CAGE1: variants seen among roughly 807,000 people sequenced by gnomAD.
CAGE1 encodes the protein cancer-associated gene 1 protein.
In CAGE1, 66 loss-of-function variants were observed where a neutral mutation model predicts 94.9. The observed-to-expected ratio is 0.70, with a 90% CI of 0.57 to 0.85. CAGE1 has a LOEUF of 0.85. Ranked by LOEUF, CAGE1 falls within the 40% of genes least tolerant of loss-of-function variation. CAGE1 has a pLI of 0.00. For synonymous variants in CAGE1, 319 were observed against 321.0 expected, an observed-to-expected ratio of 0.99 and a Z score of 0.07; for missense variants, 865 against 950.4, an observed-to-expected ratio of 0.91 and a Z score of 1.18.
rs148069907 is a variant in CAGE1 at position 7,362,614 on chromosome 6, C to A, written c.2193+2854G>T. On this transcript the variant is annotated intron_variant, in intron 9 of 13. Coordinates refer to ENST00000502583, the MANE Select transcript of CAGE1 (RefSeq NM_001170692.2). The surrounding 1 kb of genome is among the most constrained non-coding windows in gnomAD (Gnocchi z 4.1). The stretch of plus-strand genomic sequence containing the variant: ...GGGTCAGAAGGACATGAGAGAAGCA[C>A]GCGACGATGTGCCAAGGGAAGCATG... 6.6e-6 allele frequency among the ~76,000 whole-genome samples: 1 copy of A among 152,144 alleles called. No homozygotes were observed. The highest frequency in any genetic ancestry group is 1.9e-4 in the East Asian group (1 of 5,188).
intron 9 of CAGE1, among the ~76,000 whole-genome samples, chr6:7,357,035 G>A (rs1293171510): frequency 2.6e-5 from 4 of 152,038 alleles, no homozygotes; most frequent in Admixed American, 2.0e-4. Flanking sequence ...GAGCTCAGGT[G>A]ATCCGCCCCC....
chr6:7,330,344 G>A (rs867325249), intron 12 of CAGE1, among the ~76,000 whole-genome samples: 11 of 152,118 alleles, frequency 7.2e-5, no homozygotes, highest in Non-Finnish European at 1.2e-4. Context: ...CTAAGATCGC[G>A]CCATTGCACT....
chr6:7,333,429 T>A (rs1758822037), intron 12 of CAGE1, among the ~76,000 whole-genome samples: 1 of 151,990 alleles, frequency 6.6e-6, no homozygotes, highest in Admixed American at 6.6e-5. Flanking sequence ...TAGCCCATAA[T>A]CTTTATAGTT....
At chr6:7,345,147 A>G (rs1337304128) in intron 11 of CAGE1, among the ~76,000 whole-genome samples, 1 of 42,598 alleles carries the variant, frequency 2.3e-5, no homozygotes, top group Non-Finnish European at 4.3e-5. Context: ...TTTAGGAGCT[A>G]GGTCCATATT....
intron 5 of CAGE1, among the ~76,000 whole-genome samples, chr6:7,370,885 C>G (rs1320635935): frequency 6.6e-6 from 1 of 152,110 alleles, no homozygotes; most frequent in Non-Finnish European, 1.5e-5. Flanking sequence ...CAGATACTCC[C>G]AGACCATATT....
At chr6:7,348,738 T>C (rs1048172231) in intron 11 of CAGE1, among the ~76,000 whole-genome samples, 2 of 151,944 alleles carry the variant, frequency 1.3e-5, no homozygotes, top group African/African-American at 2.4e-5. Context: ...TCAGGAAACA[T>C]TGGACACACT....
intron 12 of CAGE1, chr6:7,331,288 AC>A (rs541742426): frequency 1.1e-6 from 1 of 925,818 alleles, no homozygotes; most frequent in South Asian, 1.8e-5. Context: ...GTGGTTTATC[AC>A]ATGGCAAACA....
chr6:7,365,702 C>T (rs1198674980), intron 8 of CAGE1, 102 bp downstream of exon 8: 1 of 1,345,880 alleles, frequency 7.4e-7, no homozygotes, highest in African/African-American at 1.5e-5. Context: ...AAGTGCAGAA[C>T]TTAGAACTAG....
rs761028676 is a variant in CAGE1, at chr6:7,368,687, C to A, written c.2004+1G>T. ...TTTTAGAAGAAGAATAAATATAATA[C>A]CTCTTTATCTAAAGTTTTCTTTTTA... On this transcript the variant is annotated splice_donor_variant, in intron 7 of 13. Coordinates refer to ENST00000502583, the MANE Select transcript of CAGE1 (RefSeq NM_001170692.2). LOFTEE classifies it high-confidence loss of function. 50 of 1,408,554 alleles carry A rather than the reference C, an allele frequency of 3.5e-5. No individual in the cohort carries two copies. Among genetic ancestry groups the A allele is most frequent in the Non-Finnish European group, 4.6e-5 (48 of 1,037,832 alleles). 87.3% of individuals were successfully genotyped at this position (1,408,554 alleles called of 1,614,324 possible). A position where few individuals can be genotyped will look rare whatever the true frequency, so the allele number is the denominator to read the frequency against.
In CAGE1 at chr6:7,389,356, A is replaced by C. The variant is rs1761254589; in HGVS notation, c.-178T>G. 1 of 455,792 alleles carries C rather than the reference A, an allele frequency of 2.2e-6. No homozygotes were observed. Among genetic ancestry groups the C allele is most frequent in the South Asian group, 1.5e-5 (1 of 64,562 alleles). 28.2% of individuals were successfully genotyped at this position (455,792 alleles called of 1,614,324 possible). A position where few individuals can be genotyped will look rare whatever the true frequency, so the allele number is the denominator to read the frequency against. On this transcript the variant is annotated 5_prime_UTR_variant, in exon 1 of 14. Coordinates refer to ENST00000502583, the MANE Select transcript of CAGE1 (RefSeq NM_001170692.2). Reference sequence around the variant, plus strand: ...CTCCCTCTGCACCGGGTTTTGTGGGAGGGAGAACGCTTTCCAACCTCCTCC... The same window carrying C: ...CTCCCTCTGCACCGGGTTTTGTGGGCGGGAGAACGCTTTCCAACCTCCTCC...
At chr6:7,333,636 A>ATATATATATAT (rs1491547347) in intron 12 of CAGE1, among the ~76,000 whole-genome samples, 3 of 43,612 alleles carry the variant, frequency 6.9e-5, no homozygotes, top group Non-Finnish European at 1.2e-4. Context: ...CTATCTATCT[A>ATATATATATAT]ACTATCTATA....
rs1477326133 is a variant in CAGE1, at chr6:7,328,929, TATA to T, written c.2478+917_2478+919del. On this transcript the variant is annotated intron_variant, in intron 13 of 13. Coordinates refer to ENST00000502583, the MANE Select transcript of CAGE1 (RefSeq NM_001170692.2). Reference sequence around the variant, plus strand: ...GTGTGTGTGTGTGTGTATATATATATATATATTTTTTTTTTTTTTTGAGATAGA... The same window carrying T: ...GTGTGTGTGTGTGTGTATATATATATTATTTTTTTTTTTTTTTGAGATAGA... Among the ~76,000 whole-genome samples, 282 of 112,154 alleles carry T rather than the reference TATA, an allele frequency of 2.5e-3. 7 individuals carry two copies. Among genetic ancestry groups the T allele is most frequent in the African/African-American group, 7.6e-3 (233 of 30,748 alleles). 73.6% of individuals were successfully genotyped at this position (112,154 alleles called of 152,430 possible). A position where few individuals can be genotyped will look rare whatever the true frequency, so the allele number is the denominator to read the frequency against.
At chr6:7,364,623 C>T (rs894109644) in intron 9 of CAGE1, among the ~76,000 whole-genome samples, 2 of 152,020 alleles carry the variant, frequency 1.3e-5, no homozygotes, top group African/African-American at 4.8e-5. Context: ...TGCCTGCCAC[C>T]GCGCCCGGCT....
intron 11 of CAGE1, among the ~76,000 whole-genome samples, chr6:7,347,043 A>AT (rs1325668787): frequency 1.3e-5 from 2 of 152,178 alleles, no homozygotes; most frequent in African/African-American, 2.4e-5. Flanking sequence ...GAATATTTAC[A>AT]TTTTTTAATT....
rs141777143 is a variant in CAGE1 at position 7,362,616 on chromosome 6, C to T, written c.2193+2852G>A. On this transcript the variant is annotated intron_variant, in intron 9 of 13. Transcript: ENST00000502583. This position sits in a 1 kb window ranked among gnomAD's most constrained non-coding sequence, Gnocchi z 4.1. ...GTCAGAAGGACATGAGAGAAGCACGCGACGATGTGCCAAGGGAAGCATGAG... is the reference window on the plus strand; with the variant it reads ...GTCAGAAGGACATGAGAGAAGCACGTGACGATGTGCCAAGGGAAGCATGAG... 6.6e-6 allele frequency among the ~76,000 whole-genome samples: 1 copy of T among 152,144 alleles called. No homozygotes were observed. The highest frequency in any genetic ancestry group is 1.5e-5 in the Non-Finnish European group (1 of 68,036).
rs780948876 is a variant in CAGE1, at chr6:7,374,100, T to C, written c.719A>G (p.Tyr240Cys). The change falls in exon 5 of 14, where the codon TAT becomes TGT. Residue 240 changes from tyrosine to cysteine, a missense_variant. Transcript: ENST00000502583. ...TAVPSKEIQN[Y>C]GEIPEMSVSY... is the part of the protein sequence containing the mutation. The stretch of plus-strand genomic sequence containing the variant: ...GACTGACATCTCAGGAATCTCCCCA[T>C]AATTCTGTATTTCTTTTGAAGGAAC... 3.5e-5 allele frequency: 57 copies of C among 1,613,132 alleles called. No individual in the cohort carries two copies. Among genetic ancestry groups the C allele is most frequent in the Admixed American group, 5.0e-5 (3 of 59,936 alleles).
At position 7,373,078 on chromosome 6, in the gene CAGE1, T is replaced by C. The variant is rs759744070; in HGVS notation, c.1741A>G (p.Thr581Ala). The change falls in exon 5 of 14, where the codon ACC becomes GCC. Residue 581 changes from threonine (T) to alanine (A), a missense_variant. Coordinates refer to ENST00000502583, the MANE Select transcript of CAGE1 (RefSeq NM_001170692.2). ...QLEEVLKSDITKDTKTTHSNL... is the reference protein window; with the variant it reads ...QLEEVLKSDIAKDTKTTHSNL... ...TTTAGAATGTGTATCAATACCTTGG[T>C]AATATCTGACTTCAAGACTTCCTCT... 1.3e-6 allele frequency: 2 copies of C among 1,596,056 alleles called. No individual in the cohort carries two copies. The highest frequency in any genetic ancestry group is 1.7e-6 in the Non-Finnish European group (2 of 1,171,570).
chr6:7,344,279 G>T (rs1561850665), intron 11 of CAGE1, among the ~76,000 whole-genome samples: 1 of 152,230 alleles, frequency 6.6e-6, no homozygotes, highest in Non-Finnish European at 1.5e-5. Context: ...GGAGTTCCGG[G>T]TAGGCGTGGG....
intron 1 of CAGE1, among the ~76,000 whole-genome samples, chr6:7,387,588 T>TCA (rs35948562): frequency 0.42 from 63,469 of 151,676 alleles, 13,596 homozygotes; most frequent in African/African-American, 0.51. Context: ...GCATTGTAAC[T>TCA]GTTTTCCCTC....
Sources: gnomAD v4.1 joint callset for allele counts (sites outside exome capture counted in the v4.1 genomes callset) on GRCh38, gnomAD v4.1.1 for gene constraint, Gnocchi (gnomAD v3.1) non-coding constraint, MANE v1.5 for transcripts, NCBI Gene and HGNC (gene_info 2026-07-23, HGNC 2026-07-21) for gene names.